CD8B: variants seen among roughly 807,000 people sequenced by gnomAD.
The protein encoded by CD8B is CD8 subunit beta, also known as T-cell surface glycoprotein CD8 beta chain.
Under a neutral mutation model 24.2 loss-of-function variants are expected in CD8B, and 6 were observed. The observed-to-expected ratio is 0.25, with a 90% CI of 0.14 to 0.49. The LOEUF (loss-of-function observed/expected upper bound fraction) is 0.49. Ranked by LOEUF, CD8B falls within the 20% of genes least tolerant of loss-of-function variation. CD8B has a pLI of 0.98. For missense variants in CD8B, 196 were observed against 271.3 expected (o/e 0.72, Z 1.95); for synonymous variants, 84 against 108.3 (o/e 0.78, Z 1.39).
rs147960642 is a variant in CD8B at position 86,847,546 on chromosome 2, C to T, written c.494-773G>A. Among the ~76,000 whole-genome samples, 197 of 152,102 alleles carry T rather than the reference C, an allele frequency of 1.3e-3. 3 individuals carry two copies. The East Asian group carries it at 0.031, about 24-fold the overall frequency. ...TTTATATATACATATAGGGTTTGTTCGTTTGTTTGTTTGTTTTGACACAGA... is the reference window on the plus strand; with the variant it reads ...TTTATATATACATATAGGGTTTGTTTGTTTGTTTGTTTGTTTTGACACAGA... On this transcript the variant is annotated intron_variant, in intron 3 of 5. Transcript: ENST00000390655.
At chr2:86,833,544 G>C (rs62146089), downstream of CD8B, among the ~76,000 whole-genome samples, 30,021 of 68,202 alleles carry the variant, frequency 0.44, 6,169 homozygotes, top group African/African-American at 0.57. Flanking sequence ...CTCCCCTCCC[G>C]TCCGCTCTCC....
chr2:86,823,843 C>G (rs1221793924), intron 5 of CD8B, among the ~76,000 whole-genome samples: 1 of 152,132 alleles, frequency 6.6e-6, no homozygotes, highest in Non-Finnish European at 1.5e-5. Context: ...AGTGCAGTGA[C>G]AGACACCGCC....
chr2:86,824,537 G>A (rs1674602852), intron 5 of CD8B, among the ~76,000 whole-genome samples: 2 of 152,168 alleles, frequency 1.3e-5, no homozygotes, highest in Admixed American at 1.3e-4. Flanking sequence ...GATGAAAAGA[G>A]AAAAAGCCTC....
At position 86,838,266 on chromosome 2, in the gene CD8B, C is replaced by T. The variant is rs979983191; in HGVS notation, c.*4041G>A. Reference sequence around the variant, plus strand: ...CTGTACAAAGCAGAAGTGGAAATTCCGCAGAGTAACTGCAATTAACAGCTG... The same window carrying T: ...CTGTACAAAGCAGAAGTGGAAATTCTGCAGAGTAACTGCAATTAACAGCTG... On this transcript the variant is annotated 3_prime_UTR_variant, in exon 6 of 6. Transcript: ENST00000390655. 5.3e-5 allele frequency among the ~76,000 whole-genome samples: 8 copies of T among 152,204 alleles called. No individual in the cohort carries two copies. In the South Asian group the frequency reaches 8.3e-4, roughly 16 times the overall value.
At chr2:86,823,336 G>A (rs1372788403) in intron 5 of CD8B, among the ~76,000 whole-genome samples, 1 of 152,140 alleles carries the variant, frequency 6.6e-6, no homozygotes, top group Non-Finnish European at 1.5e-5. Flanking sequence ...GGTGTTTGCA[G>A]TGGCACGATC....
chr2:86,817,049 C>A (rs1224634151), intron 5 of CD8B, among the ~76,000 whole-genome samples: 1 of 151,980 alleles, frequency 6.6e-6, no homozygotes, highest in Non-Finnish European at 1.5e-5. Flanking sequence ...AAGCCAATAT[C>A]CAAATAAAAA....
chr2:86,833,938 C>T (rs998272636), downstream of CD8B, among the ~76,000 whole-genome samples: 13 of 152,002 alleles, frequency 8.6e-5, no homozygotes, highest in Non-Finnish European at 1.2e-4. Context: ...GGTGAGCCAC[C>T]GTGCCCGGCC....
At chr2:86,851,572 G>A (rs1015659630) in intron 3 of CD8B, among the ~76,000 whole-genome samples, 4 of 152,066 alleles carry the variant, frequency 2.6e-5, no homozygotes, top group Admixed American at 6.6e-5. Context: ...CTCATGTGAC[G>A]GCAGCTTCCC....
At chr2:86,816,292 C>G (rs1674240220) in intron 5 of CD8B, among the ~76,000 whole-genome samples, 1 of 152,110 alleles carries the variant, frequency 6.6e-6, no homozygotes, top group Admixed American at 6.5e-5. Context: ...AGAATTTATT[C>G]TGATGGAAAC....
At chr2:86,815,668 C>G in exon 6 of CD8B, 1 of 1,613,716 alleles carries the variant, frequency 6.2e-7, no homozygotes, top group Non-Finnish European at 8.5e-7. Context: ...GCTGTAGTAT[C>G]CATGCAGGCA....
In CD8B at chr2:86,856,222, C is replaced by T. The variant is rs148925156; in HGVS notation, c.403+1835G>A. Among the ~76,000 whole-genome samples, 322 of 152,220 alleles carry T rather than the reference C, an allele frequency of 2.1e-3. 1 individual carries two copies. The highest frequency in any genetic ancestry group is 7.2e-3 in the African/African-American group (299 of 41,526). On this transcript the variant is annotated intron_variant, in intron 2 of 5. Coordinates refer to ENST00000390655, the MANE Select transcript of CD8B (RefSeq NM_004931.5). Reference sequence around the variant, plus strand: ...GGGAGGGGTTTGGGGTTTGGAAACACGGAAGTCAGGAGTGAGTGCGGTTGG... The same window carrying T: ...GGGAGGGGTTTGGGGTTTGGAAACATGGAAGTCAGGAGTGAGTGCGGTTGG...
intron 5 of CD8B, among the ~76,000 whole-genome samples, chr2:86,816,500 A>G (rs367656833): frequency 2.6e-5 from 4 of 152,220 alleles, no homozygotes; most frequent in Non-Finnish European, 5.9e-5. Flanking sequence ...GGGGGGACCC[A>G]TTATTCCACA....
chr2:86,842,271 C>G lies in CD8B; in HGVS notation c.*36G>C. 4 of 1,580,748 alleles carry G rather than the reference C, an allele frequency of 2.5e-6. No individual in the cohort carries two copies. The highest frequency in any genetic ancestry group is 3.4e-6 in the Non-Finnish European group (4 of 1,165,054). ...CATCGTGCTCGTTACTGACCGATGT[C>G]TTTTTGTAGCAGGACACCAAAACCG... On this transcript the variant is annotated 3_prime_UTR_variant, in exon 6 of 6. Coordinates refer to ENST00000390655, the MANE Select transcript of CD8B (RefSeq NM_004931.5).
At chr2:86,825,985 C>T (rs550150481) in intron 5 of CD8B, among the ~76,000 whole-genome samples, 55 of 152,150 alleles carry the variant, frequency 3.6e-4, no homozygotes, top group African/African-American at 1.0e-3. Context: ...CTGGAGCTCT[C>T]GGGGGGAAAA....
chr2:86,823,991 ATG>A (rs141618198), intron 5 of CD8B, among the ~76,000 whole-genome samples: 69 of 149,786 alleles, frequency 4.6e-4, no homozygotes, highest in South Asian at 1.9e-3. Context: ...TTTGTACAGC[ATG>A]TGTGTGTGTG....
intron 3 of CD8B, among the ~76,000 whole-genome samples, chr2:86,849,289 G>A (rs1274345057): frequency 6.6e-6 from 1 of 151,932 alleles, no homozygotes; most frequent in Non-Finnish European, 1.5e-5. Context: ...GGTGTGGAGA[G>A]GAGATTCATA....
At chr2:86,836,439 G>C (rs531066342), downstream of CD8B, among the ~76,000 whole-genome samples, 4 of 152,178 alleles carry the variant, frequency 2.6e-5, no homozygotes, top group Admixed American at 6.5e-5. Flanking sequence ...CCAGCACAGG[G>C]CTGGCTGGGC....
intron 5 of CD8B, among the ~76,000 whole-genome samples, chr2:86,822,077 G>A (rs1474760771): frequency 6.6e-6 from 1 of 152,154 alleles, no homozygotes; most frequent in African/African-American, 2.4e-5. Flanking sequence ...ACAGGGCAGA[G>A]ATGAACCAGG....
Position 86,858,149 on chromosome 2 carries a change from G to A in CD8B, c.311C>T (p.Thr104Ile). Reference protein sequence around the residue: ...RDASRFILNLTSVKPEDSGIY... With the variant: ...RDASRFILNLISVKPEDSGIY... ...GCCACTGTCTTCCGGCTTCACGCTTGTGAGATTGAGAATGAACCGGCTTGC... is the reference window on the plus strand; with the variant it reads ...GCCACTGTCTTCCGGCTTCACGCTTATGAGATTGAGAATGAACCGGCTTGC... The change falls in exon 2 of 6, where the codon ACA becomes ATA. Residue 104 changes from threonine to isoleucine, a missense_variant. Thr to Ile is a moderately conservative substitution (Grantham distance 89). Transcript: ENST00000390655. 1.9e-6 allele frequency: 3 copies of A among 1,614,010 alleles called. No homozygotes were observed. Among genetic ancestry groups the A allele is most frequent in the Non-Finnish European group, 2.5e-6 (3 of 1,179,858 alleles).
Sources: allele counts gnomAD v4.1 joint callset (sites outside exome capture counted in the v4.1 genomes callset), GRCh38; gene constraint gnomAD v4.1.1; transcripts MANE v1.5; gene names NCBI Gene and HGNC (gene_info 2026-07-23, HGNC 2026-07-21).